Variants in CFAP46 observed in about 807,000 individuals in gnomAD.
CFAP46 encodes the protein cilia and flagella associated protein 46.
Under a neutral mutation model 325.7 loss-of-function variants are expected in CFAP46, and 245 were observed. The ratio of observed to expected loss-of-function variants is 0.75; its 90% confidence interval spans 0.68 to 0.84. CFAP46 has a LOEUF of 0.84. CFAP46 is among the 40% of genes least tolerant of loss of function. The pLI, the probability that CFAP46 is intolerant of heterozygous loss-of-function variation, is 0.00. For synonymous variants in CFAP46, 1,523 were observed against 1,495.9 expected (o/e 1.02, Z -0.42); for missense variants, 3,346 against 3,543.0 (o/e 0.94, Z 1.41).
chr10:132,916,474 C>G (rs530882164), intron 17 of CFAP46, 75 bp downstream of exon 17: 23 of 1,444,268 alleles, frequency 1.6e-5, no homozygotes, highest in Non-Finnish European at 1.9e-5. Context: ...TCCCTCCCCA[C>G]GCCAGCCTGA....
At position 132,828,830 on chromosome 10, in the gene CFAP46, G is replaced by A. The variant is rs946956777; in HGVS notation, c.7117+4528C>T. 6.6e-6 allele frequency among the ~76,000 whole-genome samples: 1 copy of A among 152,138 alleles called. No homozygotes were observed. Among genetic ancestry groups the A allele is most frequent in the Non-Finnish European group, 1.5e-5 (1 of 68,032 alleles). ...TCCAGGGACTGCAGCCACTCATGGA[G>A]ATGCCCTTCCTCCGCTCAGCGTCCT... On this transcript the variant is annotated intron_variant, in intron 50 of 57. Transcript: ENST00000368586. The surrounding 1 kb of genome is among the most constrained non-coding windows in gnomAD (Gnocchi z 4.9).
At chr10:132,914,793 G>A (rs1269426706) in intron 17 of CFAP46, among the ~76,000 whole-genome samples, 5 of 147,772 alleles carry the variant, frequency 3.4e-5, no homozygotes, top group South Asian at 4.4e-4. Context: ...CCCGGCCCGA[G>A]GCTGTGTCCA....
chr10:132,826,750 A>T (rs1848063270), intron 50 of CFAP46, among the ~76,000 whole-genome samples: 1 of 151,582 alleles, frequency 6.6e-6, no homozygotes, highest in Non-Finnish European at 1.5e-5. Flanking sequence ...CAGAAGCTGG[A>T]GCCACAGAGC....
At chr10:132,810,886 C>A in intron 56 of CFAP46, 64 bp downstream of exon 56, 1 of 1,459,088 alleles carries the variant, frequency 6.9e-7, no homozygotes, top group Non-Finnish European at 9.4e-7. Context: ...GTGGGTCCCA[C>A]GCCCGTCTGT....
At chr10:132,882,062 G>A (rs1056141922) in intron 27 of CFAP46, among the ~76,000 whole-genome samples, 18 of 149,046 alleles carry the variant, frequency 1.2e-4, no homozygotes, top group Non-Finnish European at 2.5e-4. Context: ...TGTGTGGTGC[G>A]TGTGGGATGT....
intron 20 of CFAP46, among the ~76,000 whole-genome samples, chr10:132,909,609 C>A (rs941763907): frequency 3.3e-5 from 5 of 152,194 alleles, no homozygotes; most frequent in Admixed American, 2.6e-4. Context: ...GGCTCCAAGG[C>A]CCCTCCTCCA....
chr10:132,825,553 C>T (rs954627962), intron 50 of CFAP46, among the ~76,000 whole-genome samples: 6 of 152,260 alleles, frequency 3.9e-5, no homozygotes, highest in East Asian at 1.9e-4. Context: ...TCTTACATGC[C>T]GGTCACACCT....
chr10:132,908,787 C>T lies in CFAP46; in HGVS notation c.2758-153G>A, dbSNP rs185633887. On this transcript the variant is annotated intron_variant, in intron 21 of 57. Coordinates refer to ENST00000368586, the MANE Select transcript of CFAP46 (RefSeq NM_001200049.3). ...GCCACAAAAGCTGAGCTGCCACGTC[C>T]GTGCCTGTGAGGACCCCTGATGTCC... 1.1e-3 allele frequency among the ~76,000 whole-genome samples: 163 copies of T among 152,360 alleles called. 1 individual carries two copies. The highest frequency in any genetic ancestry group is 2.9e-3 in the Admixed American group (44 of 15,312).
At chr10:132,887,410 TCTCCTCTCTC>T (rs1849162525) in intron 25 of CFAP46, among the ~76,000 whole-genome samples, 1 of 91,216 alleles carries the variant, frequency 1.1e-5, no homozygotes, top group Admixed American at 1.1e-4. Flanking sequence ...CTCTCTCTCC[TCTCCTCTCTC>T]CTCCCCTCTT....
rs1162147954 is a variant in CFAP46, at chr10:132,899,644, C to CT, written c.2946dup (p.Glu983ArgfsTer122). On this transcript the variant is annotated frameshift_variant, in exon 23 of 58. Coordinates refer to ENST00000368586, the MANE Select transcript of CFAP46 (RefSeq NM_001200049.3). LOFTEE classifies it high-confidence loss of function. ...ATGGCCGTGGCTGTGCACAGCATCT[C>CT]TGCCACCAGCCGGGACTCCTCGCTG... The CT allele has an allele frequency of 1.3e-6, 2 of 1,549,874 alleles. No individual in the cohort carries two copies. Among genetic ancestry groups the CT allele is most frequent in the Non-Finnish European group, 1.7e-6 (2 of 1,146,716 alleles).
In CFAP46 at chr10:132,808,635, G is replaced by A. The variant is rs1847511621; in HGVS notation, c.7934C>T (p.Ala2645Val). 2 of 1,606,396 alleles carry A rather than the reference G, an allele frequency of 1.2e-6. No individual in the cohort carries two copies. The highest frequency in any genetic ancestry group is 8.5e-7 in the Non-Finnish European group (1 of 1,176,644). The change falls in exon 58 of 58, where the codon GCA becomes GTA. Residue 2645 changes from alanine to valine, a missense_variant. Transcript: ENST00000368586. This position sits in a 1 kb window ranked among gnomAD's most constrained non-coding sequence, Gnocchi z 6.8. ...TGGGGGAGGGTCCCTGGCTGAGGCTGCACCAAGGGCTGGGGAGAGGCCCAG... is the reference window on the plus strand; with the variant it reads ...TGGGGGAGGGTCCCTGGCTGAGGCTACACCAAGGGCTGGGGAGAGGCCCAG... Reference protein sequence around the residue: ...PFLGLSPALGAASARDPPPAT... With the variant: ...PFLGLSPALGVASARDPPPAT...
At chr10:132,835,888 C>G (rs1041730064) in intron 46 of CFAP46, among the ~76,000 whole-genome samples, 1 of 134,328 alleles carries the variant, frequency 7.4e-6, no homozygotes, top group East Asian at 2.3e-4. Context: ...CCTGCTCCCC[C>G]TTCCCCATGC....
At chr10:132,934,499 C>T (rs1278169710) in intron 8 of CFAP46, among the ~76,000 whole-genome samples, 3 of 152,208 alleles carry the variant, frequency 2.0e-5, no homozygotes, top group Non-Finnish European at 2.9e-5. Context: ...TGAGAGGTGC[C>T]ACAGTGACCT....
chr10:132,817,836 G>A lies in CFAP46; in HGVS notation c.7118-2922C>T, dbSNP rs1324875730. On this transcript the variant is annotated intron_variant, in intron 50 of 57. Coordinates refer to ENST00000368586, the MANE Select transcript of CFAP46 (RefSeq NM_001200049.3). This position sits in a 1 kb window ranked among gnomAD's most constrained non-coding sequence, Gnocchi z 4.4. ...TTCCTGTCTGACGGTTCTGGGAGTC[G>A]GAGGTCCGAATGGGGTCACTGGGTC... is the stretch of plus-strand genomic sequence containing the variant. Among the ~76,000 whole-genome samples the A allele has an allele frequency of 1.3e-5, 2 of 152,234 alleles. No homozygotes were observed. The highest frequency in any genetic ancestry group is 2.9e-5 in the Non-Finnish European group (2 of 68,040).
chr10:132,907,757 G>C (rs552658576), intron 22 of CFAP46, among the ~76,000 whole-genome samples: 73 of 152,290 alleles, frequency 4.8e-4, no homozygotes, highest in African/African-American at 1.6e-3. Context: ...TGGCCTTTGA[G>C]GGGGGTTGGA....
At position 132,929,728 on chromosome 10, in the gene CFAP46, C is replaced by A; in HGVS notation, c.943G>T (p.Asp315Tyr). ...ACTTTGCTTTCCATCTTCTTCAGGTCTGAGAGGCAGGCAGAGGAGATCTCC... is the reference window on the plus strand; with the variant it reads ...ACTTTGCTTTCCATCTTCTTCAGGTATGAGAGGCAGGCAGAGGAGATCTCC... ...CMEISSACLS[D>Y]LKKMESKDPG... The change falls in exon 9 of 58, where the codon GAC (aspartate) becomes TAC (tyrosine). Residue 315 changes from aspartate to tyrosine, a missense_variant. Transcript: ENST00000368586. 6.2e-7 allele frequency: 1 copy of A among 1,613,882 alleles called. No homozygotes were observed. The highest frequency in any genetic ancestry group is 1.1e-5 in the South Asian group (1 of 91,070).
intron 25 of CFAP46, among the ~76,000 whole-genome samples, chr10:132,891,751 T>C (rs1215388315): frequency 2.0e-5 from 3 of 152,220 alleles, no homozygotes; most frequent in African/African-American, 7.2e-5. Flanking sequence ...TCTCCACAAC[T>C]CCTCATCTAA....
rs1453583668 is a variant in CFAP46, at chr10:132,847,678, C to A, written c.5953-357G>T. Among the ~76,000 whole-genome samples the A allele has an allele frequency of 6.6e-6, 1 of 152,068 alleles. No homozygotes were observed. The highest frequency in any genetic ancestry group is 1.5e-5 in the Non-Finnish European group (1 of 68,012). On this transcript the variant is annotated intron_variant, in intron 41 of 57. Coordinates refer to ENST00000368586, the MANE Select transcript of CFAP46 (RefSeq NM_001200049.3). The surrounding 1 kb of genome is among the most constrained non-coding windows in gnomAD (Gnocchi z 5.2). ...TCCTTTGGAAACACCTCTCCCGGAA[C>A]CAGCCAGCACTGAGGCTGAGGCATC...
rs1280804671 is a variant in CFAP46, at chr10:132,879,554, G to A, written c.3877C>T (p.Arg1293Cys). 8.4e-6 allele frequency: 13 copies of A among 1,547,528 alleles called. No individual in the cohort carries two copies. Among genetic ancestry groups the A allele is most frequent in the Admixed American group, 2.0e-5 (1 of 50,904 alleles). Residue 1293 changes from arginine (R) to cysteine (C), a missense_variant, in exon 29 of 58, where the codon CGT becomes TGT. By Grantham distance (180) the Arg-to-Cys change is radical. Coordinates refer to ENST00000368586, the MANE Select transcript of CFAP46 (RefSeq NM_001200049.3). ...AGCGCCTCCAGCTGCCGCACGCTACGCAGCTGCTCCAAGGACACCGCCTCC... is the reference window on the plus strand; with the variant it reads ...AGCGCCTCCAGCTGCCGCACGCTACACAGCTGCTCCAAGGACACCGCCTCC... ...AEEAVSLEQL[R>C]SVRQLEALAR... is the part of the protein sequence containing the mutation.
Sources: gnomAD v4.1 joint callset for allele counts (sites outside exome capture counted in the v4.1 genomes callset) on GRCh38, gnomAD v4.1.1 for gene constraint, Gnocchi (gnomAD v3.1) non-coding constraint, MANE v1.5 for transcripts, NCBI Gene and HGNC (gene_info 2026-07-23, HGNC 2026-07-21) for gene names.